SLIT2: variants seen among roughly 807,000 people sequenced by gnomAD.
SLIT2 encodes slit homolog 2 protein.
A neutral mutation model predicts 185.7 loss-of-function variants in SLIT2; 41 were observed. That is an observed-to-expected ratio of 0.22 (90% CI 0.17 to 0.29). The LOEUF is 0.29. Ranked by LOEUF, SLIT2 falls within the 10% of genes least tolerant of loss-of-function variation. The pLI, the probability that SLIT2 is intolerant of heterozygous loss-of-function variation, is 1.00. For synonymous variants in SLIT2, 693 were observed against 680.2 expected, an observed-to-expected ratio of 1.02 and a Z score of -0.29; for missense variants, 1,571 against 1,909.0, an observed-to-expected ratio of 0.82 and a Z score of 3.30.
intron 32 of SLIT2, among the ~76,000 whole-genome samples, 164 bp downstream of exon 32, chr4:20,596,819 C>CA (rs1728017922): frequency 1.3e-5 from 2 of 152,036 alleles, no homozygotes; most frequent in African/African-American, 4.8e-5. Flanking sequence ...TTCTCTTCAA[C>CA]ATTTGTATTT....
At chr4:20,481,833 G>T (rs1390675364) in intron 6 of SLIT2, among the ~76,000 whole-genome samples, 4 of 151,936 alleles carry the variant, frequency 2.6e-5, no homozygotes, top group Admixed American at 1.3e-4. Context: ...ATTTCCAGCT[G>T]TGTAATGTAC....
intron 4 of SLIT2, among the ~76,000 whole-genome samples, chr4:20,370,050 G>T (rs1311761074): frequency 6.6e-6 from 1 of 152,062 alleles, no homozygotes; most frequent in South Asian, 2.1e-4. Flanking sequence ...CTCTACCCCA[G>T]ACCAACTGAA....
At chr4:20,470,756 A>C (rs1270179627) in intron 5 of SLIT2, among the ~76,000 whole-genome samples, 1 of 152,004 alleles carries the variant, frequency 6.6e-6, no homozygotes, top group Non-Finnish European at 1.5e-5. Context: ...TTGTATTTTT[A>C]GTAGAGATGG....
chr4:20,367,321 T>G (rs1478446605), intron 4 of SLIT2, among the ~76,000 whole-genome samples: 1 of 152,138 alleles, frequency 6.6e-6, no homozygotes, highest in Non-Finnish European at 1.5e-5. Flanking sequence ...GAGAACATCT[T>G]AAGCTGATAG....
Position 20,510,358 on chromosome 4 carries a change from G to T in SLIT2, c.915-137G>T. 8 of 665,148 alleles carry T rather than the reference G, an allele frequency of 1.2e-5. No individual in the cohort carries two copies. In the South Asian group the frequency reaches 1.2e-4, roughly 10 times the overall value. The allele number at this position is 665,148 out of a possible 1,614,324, so 41.2% of individuals were successfully genotyped here. A position where few individuals can be genotyped will look rare whatever the true frequency, so the allele number is the denominator to read the frequency against. ...TTTAGGGACAGAAAAATTAAATTTA[G>T]TACTTATTTTTCAGGAAAAAAATAT... On this transcript the variant is annotated intron_variant, in intron 9 of 36. Transcript: ENST00000504154.
rs373707550 is a variant in SLIT2, at chr4:20,547,256, T to G, written c.2345+1157T>G. Among the ~76,000 whole-genome samples, 4 of 152,294 alleles carry G rather than the reference T, an allele frequency of 2.6e-5. No individual in the cohort carries two copies. In the South Asian group the frequency reaches 8.3e-4, roughly 32 times the overall value. ...CAAGAACTGATTACATACATTTTGT[T>G]CTGTTAAATAAACCATTAAATTGCT... is the stretch of plus-strand genomic sequence containing the variant. On this transcript the variant is annotated intron_variant, in intron 22 of 36. Transcript: ENST00000504154.
chr4:20,429,000 G>A (rs1728762655), intron 4 of SLIT2, among the ~76,000 whole-genome samples: 1 of 152,164 alleles, frequency 6.6e-6, no homozygotes, highest in Non-Finnish European at 1.5e-5. Flanking sequence ...TTGTGTCTTA[G>A]GAAGTAAGTC....
intron 4 of SLIT2, among the ~76,000 whole-genome samples, chr4:20,427,878 C>T (rs1728679795): frequency 6.6e-6 from 1 of 152,124 alleles, no homozygotes; most frequent in African/African-American, 2.4e-5. Context: ...CCATGCCTCT[C>T]TTCATTTCTA....
intron 4 of SLIT2, among the ~76,000 whole-genome samples, chr4:20,457,504 T>TTA (rs1713207815): frequency 6.6e-6 from 1 of 151,928 alleles, no homozygotes; most frequent in Admixed American, 6.6e-5. Flanking sequence ...ACTAAAGATA[T>TTA]TATATATATA....
intron 4 of SLIT2, among the ~76,000 whole-genome samples, chr4:20,305,670 C>T (rs1406127519): frequency 6.6e-6 from 1 of 151,098 alleles, no homozygotes; most frequent in Admixed American, 6.6e-5. Flanking sequence ...ATCAGGAGTT[C>T]GAGACCAGCC....
At position 20,300,347 on chromosome 4, in the gene SLIT2, A is replaced by G. The variant is rs187663698; in HGVS notation, c.395+31466A>G. On this transcript the variant is annotated intron_variant, in intron 4 of 36. Coordinates refer to ENST00000504154, the MANE Select transcript of SLIT2 (RefSeq NM_004787.4). ...TTTATTTATTTGAATTATATAGGGT[A>G]TATCTTATCAAAAGACATTCTAAGA... Among the ~76,000 whole-genome samples the G allele has an allele frequency of 1.6e-3, 250 of 152,278 alleles. 2 individuals carry two copies. The highest frequency in any genetic ancestry group is 5.7e-3 in the African/African-American group (239 of 41,588).
chr4:20,344,736 A>G (rs1309428212), intron 4 of SLIT2, among the ~76,000 whole-genome samples: 3 of 152,224 alleles, frequency 2.0e-5, no homozygotes, highest in African/African-American at 4.8e-5. Flanking sequence ...TTAGTCAAAT[A>G]TAAGAACTTC....
intron 6 of SLIT2, among the ~76,000 whole-genome samples, chr4:20,481,762 T>G (rs528761958): frequency 2.6e-5 from 4 of 152,226 alleles, no homozygotes; most frequent in African/African-American, 9.6e-5. Context: ...ATCTTTCAGC[T>G]AAAATGGCTT....
chr4:20,361,281 C>G (rs1722724202), intron 4 of SLIT2, among the ~76,000 whole-genome samples: 1 of 152,100 alleles, frequency 6.6e-6, no homozygotes, highest in Admixed American at 6.6e-5. Flanking sequence ...GCTTTTCCCT[C>G]CTTCTCTTGC....
intron 4 of SLIT2, among the ~76,000 whole-genome samples, chr4:20,284,204 TG>T (rs1393146138): frequency 6.6e-6 from 1 of 152,218 alleles, no homozygotes; most frequent in Admixed American, 6.5e-5. Flanking sequence ...CAGTACCAAA[TG>T]ATGGACACCT....
intron 4 of SLIT2, among the ~76,000 whole-genome samples, chr4:20,456,406 C>A (rs2148722098): frequency 6.6e-6 from 1 of 152,194 alleles, no homozygotes; most frequent in East Asian, 1.9e-4. Context: ...TCTTACCAGA[C>A]CATCCCCATC....
rs756872945 is a variant in SLIT2, at chr4:20,589,702, C to T, written c.3147C>T (p.His1049=). The part of the protein sequence containing the change: ...FCAQDLNPCQ[H]DSKCILTPKG... ...CCCAGGACCTGAACCCCTGCCAGCA[C>T]GATTCAAAGTGCATCCTAACTCCAA... Residue 1049 remains histidine (H), a synonymous_variant, in exon 30 of 37, where the codon CAC becomes CAT. Coordinates refer to ENST00000504154, the MANE Select transcript of SLIT2 (RefSeq NM_004787.4). 1.2e-5 allele frequency: 20 copies of T among 1,613,680 alleles called. No individual in the cohort carries two copies. In the East Asian group the frequency reaches 1.8e-4, roughly 14 times the overall value.
At chr4:20,263,393 C>G (rs1390165303) in intron 3 of SLIT2, among the ~76,000 whole-genome samples, 3 of 151,832 alleles carry the variant, frequency 2.0e-5, no homozygotes, top group African/African-American at 4.8e-5. Flanking sequence ...TCCATACACT[C>G]TGAATACAGA....
intron 4 of SLIT2, among the ~76,000 whole-genome samples, chr4:20,338,038 A>C (rs1720650712): frequency 1.3e-5 from 2 of 152,214 alleles, no homozygotes; most frequent in South Asian, 4.1e-4. Context: ...TCATTTGAAA[A>C]GGGATGTTCA....
Sources: allele counts gnomAD v4.1 joint callset (sites outside exome capture counted in the v4.1 genomes callset), GRCh38; gene constraint gnomAD v4.1.1; transcripts MANE v1.5; gene names NCBI Gene and HGNC (gene_info 2026-07-23, HGNC 2026-07-21).